The following MSL2 variants were observed in gnomAD, a reference collection of about 807,000 sequenced individuals.
MSL2 encodes MSL complex subunit 2.
A neutral mutation model predicts 35.8 loss-of-function variants in MSL2; 2 were observed. That is an observed-to-expected ratio of 0.06 (90% CI 0.02 to 0.18). The LOEUF (loss-of-function observed/expected upper bound fraction) is 0.18, where lower values mean the gene tolerates loss of function less well. MSL2 is among the 10% of genes least tolerant of loss of function. The probability of loss-of-function intolerance (pLI) is 1.00; values close to 1 mark genes in which losing one functional copy is unlikely to be tolerated. For synonymous variants in MSL2, 296 were observed against 255.7 expected (o/e 1.16, Z -1.50); for missense variants, 523 against 706.7 (o/e 0.74, Z 2.95).
At chr3:136,155,503 C>A in intron 1 of MSL2, 1 of 186,544 alleles carries the variant, frequency 5.4e-6, no homozygotes, top group South Asian at 1.0e-4. Context: ...GAGCAAAACT[C>A]CACCTCAAAA....
rs745776943 is a variant in MSL2, at chr3:136,152,290, A to G, written c.591T>C (p.Tyr197=). 7.4e-6 allele frequency: 12 copies of G among 1,613,966 alleles called. No individual in the cohort carries two copies. Among genetic ancestry groups the G allele is most frequent in the Admixed American group, 3.3e-5 (2 of 60,006 alleles). ...CAAATCTATCTATTGAAAGCCCATT[A>G]TAAGTAGGCAAACCATTGATAACAG... The part of the protein sequence containing the change: ...GSSVINGLPT[Y]NGLSIDRFGI... Residue 197 remains tyrosine, a synonymous_variant, in exon 2 of 2, where the codon TAT becomes TAC. Transcript: ENST00000309993.
At chr3:136,160,685 G>A (rs1939684955) in intron 1 of MSL2, among the ~76,000 whole-genome samples, 1 of 149,706 alleles carries the variant, frequency 6.7e-6, no homozygotes, top group African/African-American at 2.5e-5. Flanking sequence ...CTCCAGCCTG[G>A]GAGACACAGC....
In MSL2 at chr3:136,148,997, A is replaced by G. The variant is rs1169963705; in HGVS notation, c.*2150T>C. 1 of 152,654 alleles carries G rather than the reference A, an allele frequency of 6.6e-6. No homozygotes were observed. The highest frequency in any genetic ancestry group is 1.9e-4 in the East Asian group (1 of 5,176). The allele number at this position is 152,654 out of a possible 1,614,324, so 9.5% of individuals were successfully genotyped here. A position where few individuals can be genotyped will look rare whatever the true frequency, so the allele number is the denominator to read the frequency against. On this transcript the variant is annotated 3_prime_UTR_variant, in exon 2 of 2. Transcript: ENST00000309993. ...AAAATGTGGCAGTGAGAATACCAGC[A>G]TAAAAAAGAGAAACTTGTGCTAAAA...
intron 1 of MSL2, among the ~76,000 whole-genome samples, chr3:136,176,273 G>C (rs1940169841): frequency 6.6e-6 from 1 of 152,050 alleles, no homozygotes; most frequent in Middle Eastern, 3.2e-3. Context: ...CAGCACTATG[G>C]GAAGCCACGG....
chr3:136,168,560 A>G (rs1175512847), intron 1 of MSL2, among the ~76,000 whole-genome samples: 2 of 152,188 alleles, frequency 1.3e-5, no homozygotes, highest in African/African-American at 2.4e-5. Context: ...GAGTTGAACA[A>G]TGAGAACACA....
chr3:136,169,639 G>A (rs866059358), intron 1 of MSL2, among the ~76,000 whole-genome samples: 4 of 151,934 alleles, frequency 2.6e-5, no homozygotes, highest in African/African-American at 9.7e-5. Flanking sequence ...TAGTAGAGAC[G>A]GGGTTTCACC....
At chr3:136,170,196 T>TAC (rs1559964425) in intron 1 of MSL2, among the ~76,000 whole-genome samples, 1 of 150,376 alleles carries the variant, frequency 6.6e-6, no homozygotes, top group Non-Finnish European at 1.5e-5. Context: ...TATATATATA[T>TAC]ACAAAAATTA....
rs1290935393 is a variant in MSL2, at chr3:136,152,566, T to G, written c.315A>C (p.Lys105Asn). ...QLSILVNCYK[K>N]LCEYITQTTL... ...TAGTCTGTGTTATATACTCGCATAGTTTTTTGTAGCAGTTCACTAGGATGC... is the reference window on the plus strand; with the variant it reads ...TAGTCTGTGTTATATACTCGCATAGGTTTTTGTAGCAGTTCACTAGGATGC... The change falls in exon 2 of 2, where the codon AAA becomes AAC. Residue 105 changes from lysine (K) to asparagine (N), a missense_variant. Transcript: ENST00000309993. 1 of 1,614,160 alleles carries G rather than the reference T, an allele frequency of 6.2e-7. No homozygotes were observed. Among genetic ancestry groups the G allele is most frequent in the South Asian group, 1.1e-5 (1 of 91,078 alleles).
rs745561575 is a variant in MSL2, at chr3:136,195,041, G to T, written c.73C>A (p.Pro25Thr). The T allele has an allele frequency of 1.2e-6, 2 of 1,614,096 alleles. No homozygotes were observed. Reference sequence around the variant, plus strand: ...CTGTTAATCTCAGTAAACGCCTTGGGGTCTCCGGGGTCGTAGTTGAGCACT... The same window carrying T: ...CTGTTAATCTCAGTAAACGCCTTGGTGTCTCCGGGGTCGTAGTTGAGCACT... Reference protein sequence around the residue: ...RLVLNYDPGDPKAFTEINRLL... With the variant: ...RLVLNYDPGDTKAFTEINRLL... The change falls in exon 1 of 2, where the codon CCC becomes ACC. Residue 25 changes from proline (P) to threonine (T), a missense_variant. By Grantham distance (38) the Pro-to-Thr change is conservative (BLOSUM62 -1). Transcript: ENST00000309993.
At chr3:136,183,391 C>A (rs1229281774) in intron 1 of MSL2, among the ~76,000 whole-genome samples, 1 of 152,066 alleles carries the variant, frequency 6.6e-6, no homozygotes, top group Admixed American at 6.6e-5. Context: ...GGAGGCCCCA[C>A]CTCTATGAAA....
intron 1 of MSL2, chr3:136,155,816 A>G (rs1939502658): frequency 1.7e-6 from 1 of 576,344 alleles, no homozygotes; most frequent in Non-Finnish European, 3.5e-6. Flanking sequence ...CCGGCTGCCC[A>G]AGAACTGTTC....
intron 1 of MSL2, among the ~76,000 whole-genome samples, chr3:136,170,045 T>C (rs116128949): frequency 0.027 from 3,604 of 135,348 alleles, 162 homozygotes; most frequent in African/African-American, 0.096. Context: ...AGAGACTCCA[T>C]TAAAAAAAAA....
rs1218354030 is a variant in MSL2 at position 136,149,061 on chromosome 3, C to A, written c.*2086G>T. 6.6e-6 allele frequency: 1 copy of A among 151,406 alleles called. No individual in the cohort carries two copies. Among genetic ancestry groups the A allele is most frequent in the African/African-American group, 2.4e-5 (1 of 40,966 alleles). The allele number at this position is 151,406 out of a possible 1,614,324, so 9.4% of individuals were successfully genotyped here. A position where few individuals can be genotyped will look rare whatever the true frequency, so the allele number is the denominator to read the frequency against. ...ATCATTGGCAATATTACATAACAAT[C>A]AAGGCCCTCACATACTAATGATTTC... On this transcript the variant is annotated 3_prime_UTR_variant, in exon 2 of 2. Transcript: ENST00000309993.
At chr3:136,169,311 C>T (rs1401958650) in intron 1 of MSL2, among the ~76,000 whole-genome samples, 3 of 139,406 alleles carry the variant, frequency 2.2e-5, no homozygotes, top group South Asian at 2.3e-4. Context: ...TGGGGGTACA[C>T]GTGATATTCT....
chr3:136,172,547 G>C (rs1340557212), intron 1 of MSL2, among the ~76,000 whole-genome samples: 3 of 152,076 alleles, frequency 2.0e-5, no homozygotes, highest in Non-Finnish European at 4.4e-5. Flanking sequence ...GGCACTTCTG[G>C]TTCATTATTC....
chr3:136,157,862 C>T (rs1939577924), intron 1 of MSL2, among the ~76,000 whole-genome samples: 1 of 152,168 alleles, frequency 6.6e-6, no homozygotes, highest in African/African-American at 2.4e-5. Context: ...AGATTTTCCT[C>T]AAAAGAAGAC....
intron 1 of MSL2, among the ~76,000 whole-genome samples, chr3:136,171,608 A>G (rs1194957835): frequency 6.6e-6 from 1 of 152,216 alleles, no homozygotes; most frequent in African/African-American, 2.4e-5. Context: ...CACTACAATC[A>G]GTAATTCTGT....
chr3:136,176,531 A>T (rs1940187191), intron 1 of MSL2, among the ~76,000 whole-genome samples: 1 of 151,434 alleles, frequency 6.6e-6, no homozygotes, highest in Non-Finnish European at 1.5e-5. Flanking sequence ...AAAAAAAAAA[A>T]AAAAAAACTT....
At chr3:136,159,673 G>T (rs890852494) in intron 1 of MSL2, among the ~76,000 whole-genome samples, 19 of 151,742 alleles carry the variant, frequency 1.3e-4, no homozygotes, top group Non-Finnish European at 2.5e-4. Context: ...CCTGGCCAAG[G>T]AGAGTATTTT....
Sources: gnomAD v4.1 joint callset for allele counts (sites outside exome capture counted in the v4.1 genomes callset) on GRCh38, gnomAD v4.1.1 for gene constraint, MANE v1.5 for transcripts, NCBI Gene and HGNC (gene_info 2026-07-23, HGNC 2026-07-21) for gene names.